The following GYPC variants were observed in gnomAD, a reference collection of about 807,000 sequenced individuals.
GYPC encodes the protein glycophorin C (Gerbich blood group), also known as glycophorin-C.
Under a neutral mutation model 12.6 loss-of-function variants are expected in GYPC, and 14 were observed. The ratio of observed to expected loss-of-function variants is 1.11; its 90% CI spans 0.74 to 1.74. The LOEUF (loss-of-function observed/expected upper bound fraction) is 1.74, where lower values mean the gene tolerates loss of function less well. Among genes scored for constraint, GYPC ranks in the 40% most tolerant of loss-of-function variants. The pLI, the probability that GYPC is intolerant of heterozygous loss-of-function variation, is 0.00. For synonymous variants in GYPC, 78 were observed against 62.1 expected, an observed-to-expected ratio of 1.26 and a Z score of -1.20; for missense variants, 225 against 172.1, an observed-to-expected ratio of 1.31 and a Z score of -1.72.
chr2:126,691,561 A>G (rs1683466652), intron 2 of GYPC, among the ~76,000 whole-genome samples: 1 of 152,020 alleles, frequency 6.6e-6, no homozygotes, highest in Non-Finnish European at 1.5e-5. Context: ...AAAAACACAA[A>G]CCACACAACC....
At position 126,656,231 on chromosome 2, in the gene GYPC, C is replaced by T; in HGVS notation, c.-33C>T. On this transcript the variant is annotated 5_prime_UTR_variant, in exon 1 of 4. Coordinates refer to ENST00000259254, the MANE Select transcript of GYPC (RefSeq NM_002101.5). Reference sequence around the variant, plus strand: ...CCCGGCCTGGCCCGGCCTGGCCAGTCCCCGCGGTCTCTGCCCGGGCTGACG... The same window carrying T: ...CCCGGCCTGGCCCGGCCTGGCCAGTTCCCGCGGTCTCTGCCCGGGCTGACG... 6.3e-7 allele frequency: 1 copy of T among 1,589,312 alleles called. No homozygotes were observed. The highest frequency in any genetic ancestry group is 8.5e-7 in the Non-Finnish European group (1 of 1,170,498).
chr2:126,690,459 G>T, intron 2 of GYPC, 148 bp downstream of exon 2: 3 of 713,528 alleles, frequency 4.2e-6, no homozygotes, highest in Non-Finnish European at 7.7e-6. Flanking sequence ...GACAGGGGTG[G>T]CTGTGGCCAT....
chr2:126,690,304 CA>C lies in GYPC; in HGVS notation c.100del (p.Ile34LeufsTer23), dbSNP rs1558891866. ...CCTCCACCACAATGCATACTACCAC[CA>C]TTGCAGGTGAGTTCTCATCACAGAG... ...SASTTMHTTTIAEPDPGMSGW... is the reference protein window; with the variant it reads ...SASTTMHTTTXAEPDPGMSGW... On this transcript the variant is annotated frameshift_variant, in exon 2 of 4. Transcript: ENST00000259254. LOFTEE classifies it high-confidence loss of function. The C allele has an allele frequency of 6.2e-7, 1 of 1,609,802 alleles. No homozygotes were observed. The highest frequency in any genetic ancestry group is 2.2e-5 in the East Asian group (1 of 44,866).
At position 126,661,518 on chromosome 2, in the gene GYPC, T is replaced by C. The variant is rs1317243049; in HGVS notation, c.49+5206T>C. On this transcript the variant is annotated intron_variant, in intron 1 of 3. Transcript: ENST00000259254. ...CCCAGGCTGGAGTGCAATGGCGCAA[T>C]CTTGGCTCACTGCAACCTGCGTCTC... Among the ~76,000 whole-genome samples the C allele has an allele frequency of 2.6e-5, 4 of 151,174 alleles. No homozygotes were observed. In the Admixed American group the frequency reaches 2.6e-4, roughly 10 times the overall value.
intron 1 of GYPC, among the ~76,000 whole-genome samples, chr2:126,689,465 G>A (rs552628088): frequency 6.6e-6 from 1 of 151,954 alleles, no homozygotes; most frequent in Non-Finnish European, 1.5e-5. Context: ...AAAAGCTCAT[G>A]TTGAAATTTG....
chr2:126,683,905 C>T (rs527456891), intron 1 of GYPC, among the ~76,000 whole-genome samples: 4 of 152,320 alleles, frequency 2.6e-5, no homozygotes, highest in African/African-American at 9.6e-5. Flanking sequence ...TGACTGTCTT[C>T]TCCAGGGCAG....
chr2:126,669,068 T>TATAGTAA (rs1682766698), intron 1 of GYPC, among the ~76,000 whole-genome samples: 2 of 152,184 alleles, frequency 1.3e-5, no homozygotes, highest in South Asian at 4.1e-4. Context: ...AATAGGAAAT[T>TATAGTAA]ATAGTAAATT....
intron 1 of GYPC, among the ~76,000 whole-genome samples, chr2:126,676,897 C>T (rs1421191965): frequency 6.6e-6 from 1 of 152,156 alleles, no homozygotes. Flanking sequence ...TTGGTAACTT[C>T]CTGAAGCTTC....
At chr2:126,677,507 G>A (rs1683033444) in intron 1 of GYPC, among the ~76,000 whole-genome samples, 1 of 85,922 alleles carries the variant, frequency 1.2e-5, no homozygotes, top group African/African-American at 3.5e-5. Context: ...GTGTATGAGA[G>A]TGTGTGTGAG....
chr2:126,682,463 G>T (rs543930950), intron 1 of GYPC, among the ~76,000 whole-genome samples: 1 of 152,168 alleles, frequency 6.6e-6, no homozygotes, highest in East Asian at 1.9e-4. Context: ...TAGATTCTCC[G>T]AGTCCTCCAC....
At chr2:126,666,699 C>T (rs1682688023) in intron 1 of GYPC, among the ~76,000 whole-genome samples, 1 of 148,728 alleles carries the variant, frequency 6.7e-6, no homozygotes, top group African/African-American at 2.5e-5. Flanking sequence ...CCCCCCTCCC[C>T]TCCCTCCCTA....
intron 1 of GYPC, among the ~76,000 whole-genome samples, chr2:126,682,421 C>T (rs946351161): frequency 6.6e-6 from 1 of 152,168 alleles, no homozygotes; most frequent in African/African-American, 2.4e-5. Flanking sequence ...CAGCACCAGG[C>T]ATGGGGGTAG....
chr2:126,656,372 G>T (rs1407445420), intron 1 of GYPC, 60 bp downstream of exon 1: 3 of 1,445,962 alleles, frequency 2.1e-6, no homozygotes, highest in Admixed American at 3.9e-5. Context: ...GCCCGCAGCA[G>T]CCAGGGGCCG....
chr2:126,656,410 C>G, intron 1 of GYPC, 98 bp downstream of exon 1: 1 of 1,025,890 alleles, frequency 9.7e-7, no homozygotes, highest in Non-Finnish European at 1.4e-6. Flanking sequence ...CCCTGGTGTC[C>G]CGGTCCGTGC....
intron 2 of GYPC, 47 bp downstream of exon 2, chr2:126,690,358 T>G: frequency 7.4e-7 from 1 of 1,358,796 alleles, no homozygotes; most frequent in Non-Finnish European, 1.1e-6. Context: ...CTGCCGTGAC[T>G]TCAGATGAGC....
At chr2:126,661,755 C>T (rs1222443675) in intron 1 of GYPC, among the ~76,000 whole-genome samples, 1 of 151,890 alleles carries the variant, frequency 6.6e-6, no homozygotes, top group Non-Finnish European at 1.5e-5. Flanking sequence ...TGTGCCCAGC[C>T]TACCAGATGC....
At chr2:126,671,837 A>G (rs1230000962) in intron 1 of GYPC, among the ~76,000 whole-genome samples, 3 of 152,230 alleles carry the variant, frequency 2.0e-5, no homozygotes, top group Non-Finnish European at 2.9e-5. Flanking sequence ...CTGGGTGGCC[A>G]GTGAAGCCGG....
At chr2:126,663,387 A>G (rs1040990900) in intron 1 of GYPC, among the ~76,000 whole-genome samples, 5 of 152,246 alleles carry the variant, frequency 3.3e-5, no homozygotes, top group East Asian at 3.9e-4. Context: ...CAGCCCAGAA[A>G]ACACACGCAG....
chr2:126,677,102 G>A (rs28387154), intron 1 of GYPC, among the ~76,000 whole-genome samples: 175 of 152,254 alleles, frequency 1.1e-3, no homozygotes, highest in African/African-American at 4.0e-3. Context: ...TCTGTCCCCT[G>A]AGGCTGTGTG....
Sources: gnomAD v4.1 joint callset for allele counts (sites outside exome capture counted in the v4.1 genomes callset) on GRCh38, gnomAD v4.1.1 for gene constraint, MANE v1.5 for transcripts, NCBI Gene and HGNC (gene_info 2026-07-23, HGNC 2026-07-21) for gene names.